CAPN8: variants seen among roughly 807,000 people sequenced by gnomAD.
CAPN8 encodes the protein calpain-8.
A neutral mutation model predicts 80.9 loss-of-function variants in CAPN8; 87 were observed. The observed-to-expected ratio is 1.07, with a 90% CI of 0.90 to 1.28. The LOEUF (loss-of-function observed/expected upper bound fraction) is 1.28. CAPN8 is among the 50% of genes most tolerant of loss of function. The pLI, the probability that CAPN8 is intolerant of heterozygous loss-of-function variation, is 0.00. For missense variants in CAPN8, 757 were observed against 702.0 expected (o/e 1.08, Z -0.89); for synonymous variants, 299 against 273.8 (o/e 1.09, Z -0.91).
chr1:223,650,625 G>A (rs1468202170), intron 2 of CAPN8, among the ~76,000 whole-genome samples: 1 of 152,144 alleles, frequency 6.6e-6, no homozygotes, highest in African/African-American at 2.4e-5. Flanking sequence ...AAGAGAGATG[G>A]GCAGAGAGTG....
intron 2 of CAPN8, among the ~76,000 whole-genome samples, chr1:223,637,414 G>T (rs1457970969): frequency 6.6e-6 from 1 of 152,088 alleles, no homozygotes; most frequent in African/African-American, 2.4e-5. Context: ...CAGTACTCCT[G>T]TTTGCTCCTG....
chr1:223,634,426 T>C (rs1657858380), intron 2 of CAPN8, among the ~76,000 whole-genome samples: 2 of 152,148 alleles, frequency 1.3e-5, no homozygotes, highest in Admixed American at 1.3e-4. Flanking sequence ...CGGGCTTCTC[T>C]CATTGGTGGG....
intron 2 of CAPN8, among the ~76,000 whole-genome samples, chr1:223,632,952 A>T (rs868789884): frequency 1.4e-3 from 207 of 152,306 alleles, no homozygotes; most frequent in African/African-American, 4.7e-3. Flanking sequence ...TCCCATCTGG[A>T]AAGTCCACAC....
intron 11 of CAPN8, 110 bp from the exon 12 acceptor site, chr1:223,609,474 A>G (rs1656979301): frequency 2.5e-6 from 1 of 397,514 alleles, no homozygotes; most frequent in South Asian, 1.4e-4. Context: ...TTACCATTGC[A>G]CCAAGAATCA....
In CAPN8 at chr1:223,543,113, C is replaced by T; in HGVS notation, c.2083G>A (p.Ala695Thr). 6.4e-7 allele frequency: 1 copy of T among 1,551,598 alleles called. No homozygotes were observed. The highest frequency in any genetic ancestry group is 8.7e-7 in the Non-Finnish European group (1 of 1,146,958). Residue 695 changes from alanine (A) to threonine (T), a missense_variant, in exon 20 of 21, where the codon GCC (alanine) becomes ACC (threonine). Physicochemically the swap from Ala to Thr is moderately conservative, Grantham distance 58. Transcript: ENST00000366872. ...DKDGMVQLSLAEWLCCVLV is the reference protein window; with the variant it reads ...DKDGMVQLSLTEWLCCVLV The stretch of plus-strand genomic sequence containing the variant: ...TCAAACCTCAGGACATTCACCTCGG[C>T]CAGAGAGAGCTGAACCATGCCATCC...
chr1:223,663,344 C>T (rs1040954701), intron 1 of CAPN8, among the ~76,000 whole-genome samples: 2 of 152,154 alleles, frequency 1.3e-5, no homozygotes, highest in African/African-American at 4.8e-5. Context: ...TCTCCCCCTC[C>T]TTCCTCTCCC....
chr1:223,627,324 G>T (rs1558346971), intron 4 of CAPN8, among the ~76,000 whole-genome samples, 167 bp from the exon 5 acceptor site: 1 of 152,188 alleles, frequency 6.6e-6, no homozygotes, highest in Admixed American at 6.5e-5. Context: ...TGTTTCATGT[G>T]CCCAGCTCAG....
chr1:223,638,086 A>G (rs993205995), intron 2 of CAPN8, among the ~76,000 whole-genome samples: 2 of 152,184 alleles, frequency 1.3e-5, no homozygotes, highest in African/African-American at 4.8e-5. Context: ...AATATTTGAA[A>G]AAAATGGATG....
Position 223,544,370 on chromosome 1 carries a change from C to A in CAPN8, c.1913-187G>T, listed in dbSNP as rs1232472112. ...CTGCCATCCATCCCTCTCCTTGTAGCTACTCCTCACCAAGATCAGCCTAAT... is the reference window on the plus strand; with the variant it reads ...CTGCCATCCATCCCTCTCCTTGTAGATACTCCTCACCAAGATCAGCCTAAT... On this transcript the variant is annotated intron_variant, in intron 18 of 20. Coordinates refer to ENST00000366872, the MANE Select transcript of CAPN8 (RefSeq NM_001143962.2). 5.0e-6 allele frequency: 3 copies of A among 596,786 alleles called. No individual in the cohort carries two copies. In the East Asian group the frequency reaches 8.4e-5, roughly 17 times the overall value. The allele number at this position is 596,786 out of a possible 1,614,324, so 37.0% of individuals were successfully genotyped here.
intron 13 of CAPN8, among the ~76,000 whole-genome samples, chr1:223,554,122 G>C (rs1656857368): frequency 6.6e-6 from 1 of 152,128 alleles, no homozygotes; most frequent in Non-Finnish European, 1.5e-5. Context: ...GGCAGCGCTG[G>C]GGCCTAGCAG....
chr1:223,623,633 C>T (rs1409498449), intron 6 of CAPN8, among the ~76,000 whole-genome samples: 2 of 152,108 alleles, frequency 1.3e-5, no homozygotes, highest in Admixed American at 6.6e-5. Flanking sequence ...CCTGTGTATC[C>T]CCCAACTCAC....
At chr1:223,615,698 G>T (rs780207727) in intron 10 of CAPN8, 2 of 559,230 alleles carry the variant, frequency 3.6e-6, no homozygotes, top group African/African-American at 3.7e-5. Flanking sequence ...AGAGTCTAAT[G>T]AACACATGTA....
intron 2 of CAPN8, among the ~76,000 whole-genome samples, chr1:223,637,200 A>C (rs1383278971): frequency 1.3e-5 from 2 of 152,076 alleles, no homozygotes; most frequent in African/African-American, 4.8e-5. Flanking sequence ...ATGCCAACCC[A>C]CTGTGACCAG....
chr1:223,653,658 T>A (rs1658401587), intron 2 of CAPN8, among the ~76,000 whole-genome samples: 1 of 152,120 alleles, frequency 6.6e-6, no homozygotes, highest in Admixed American at 6.5e-5. Context: ...GATTGTCCAA[T>A]TCAACGCAGA....
At chr1:223,652,825 A>T in intron 2 of CAPN8, among the ~76,000 whole-genome samples, 1 of 151,936 alleles carries the variant, frequency 6.6e-6, no homozygotes, top group South Asian at 2.1e-4. Context: ...GTTTGTTCTG[A>T]TGTGAGCTGG....
intron 1 of CAPN8, among the ~76,000 whole-genome samples, chr1:223,656,656 C>A (rs1346667615): frequency 6.8e-6 from 1 of 147,200 alleles, no homozygotes; most frequent in African/African-American, 2.5e-5. Context: ...TATGTACATA[C>A]ACACGTTTTG....
intron 2 of CAPN8, among the ~76,000 whole-genome samples, chr1:223,637,636 C>T (rs1657938300): frequency 6.6e-6 from 1 of 152,202 alleles, no homozygotes; most frequent in Non-Finnish European, 1.5e-5. Flanking sequence ...GAGTTCCTCT[C>T]CCTTCCGGCT....
chr1:223,624,146 CTG>C (rs1263542570), intron 6 of CAPN8, among the ~76,000 whole-genome samples: 1 of 152,188 alleles, frequency 6.6e-6, no homozygotes, highest in Non-Finnish European at 1.5e-5. Context: ...GGTGCAATCA[CTG>C]CAGGCTCTCA....
rs558723450 is a variant in CAPN8, at chr1:223,658,181, C to T, written c.238-3782G>A. 1.2e-4 allele frequency among the ~76,000 whole-genome samples: 18 copies of T among 152,294 alleles called. No homozygotes were observed. The South Asian group carries it at 3.7e-3, about 32-fold the overall frequency. Reference sequence around the variant, plus strand: ...CTATTAACTGCAGAATATGCTGATGCTTCCAAAATAACTCCCTGAGCTGTA... The same window carrying T: ...CTATTAACTGCAGAATATGCTGATGTTTCCAAAATAACTCCCTGAGCTGTA... On this transcript the variant is annotated intron_variant, in intron 1 of 20. Transcript: ENST00000366872.
Sources: gnomAD v4.1 joint callset for allele counts (sites outside exome capture counted in the v4.1 genomes callset) on GRCh38, gnomAD v4.1.1 for gene constraint, MANE v1.5 for transcripts, NCBI Gene and HGNC (gene_info 2026-07-23, HGNC 2026-07-21) for gene names.